SIPA1L2: variants seen among roughly 807,000 people sequenced by gnomAD.
SIPA1L2 encodes the protein signal-induced proliferation-associated 1-like protein 2.
A neutral mutation model predicts 163.9 loss-of-function variants in SIPA1L2; 56 were observed. The ratio of observed to expected loss-of-function variants is 0.34; its 90% confidence interval spans 0.28 to 0.43. The LOEUF (loss-of-function observed/expected upper bound fraction) is 0.43. Among genes scored for constraint, SIPA1L2 ranks in the 20% least tolerant of loss-of-function variants. The pLI, the probability that SIPA1L2 is intolerant of heterozygous loss-of-function variation, is 1.00. For missense variants in SIPA1L2, 1,974 were observed against 2,193.5 expected (o/e 0.90, Z 2.00); for synonymous variants, 877 against 865.7 (o/e 1.01, Z -0.23).
chr1:232,485,731 C>T (rs921040156), intron 5 of SIPA1L2, among the ~76,000 whole-genome samples: 41 of 152,304 alleles, frequency 2.7e-4, no homozygotes, highest in African/African-American at 9.6e-4. Context: ...AAAATGACCA[C>T]TTCCCATCAT....
At chr1:232,421,120 T>C (rs12026527) in intron 18 of SIPA1L2, among the ~76,000 whole-genome samples, 8,715 of 152,274 alleles carry the variant, frequency 0.057, 715 homozygotes, top group East Asian at 0.42. Flanking sequence ...GGGAGGACAC[T>C]GTCTGAAAGC....
rs1667168175 is a variant in SIPA1L2, at chr1:232,515,194, G to A, written c.146C>T (p.Thr49Ile). 10 of 1,614,076 alleles carry A rather than the reference G, an allele frequency of 6.2e-6. No individual in the cohort carries two copies. The African/African-American group carries it at 1.1e-4, about 17-fold the overall frequency. ...KAINGNMGPT[T>I]SLNASNSNET... is the part of the protein sequence containing the mutation. Reference sequence around the variant, plus strand: ...ATTGGAATTCGAGGCATTTAAAGAAGTAGTGGGTCCCATGTTGCCATTAAT... The same window carrying A: ...ATTGGAATTCGAGGCATTTAAAGAAATAGTGGGTCCCATGTTGCCATTAAT... Residue 49 changes from threonine (T) to isoleucine (I), a missense_variant, in exon 3 of 23, where the codon ACT becomes ATT. By Grantham distance (89) the Thr-to-Ile change is moderately conservative. Around this residue, in one of 3 missense-constraint regions of SIPA1L2, gnomAD observed 607 missense variants for 624.0 expected, o/e 0.97. Coordinates refer to ENST00000674635, the MANE Select transcript of SIPA1L2 (RefSeq NM_020808.5).
rs1353267477 is a variant in SIPA1L2, at chr1:232,484,532, C to T, written c.1807-566G>A. On this transcript the variant is annotated intron_variant, in intron 5 of 22. Coordinates refer to ENST00000674635, the MANE Select transcript of SIPA1L2 (RefSeq NM_020808.5). ...ATACAAACATTAAAATGTTTTGTTGCCATAAAAAAGTAACTCTGGCTTACG... is the reference window on the plus strand; with the variant it reads ...ATACAAACATTAAAATGTTTTGTTGTCATAAAAAAGTAACTCTGGCTTACG... Among the ~76,000 whole-genome samples, 19 of 152,212 alleles carry T rather than the reference C, an allele frequency of 1.2e-4. No individual in the cohort carries two copies. In the East Asian group the frequency reaches 3.7e-3, roughly 29 times the overall value.
At chr1:232,534,792 C>T (rs1422159618) in intron 2 of SIPA1L2, among the ~76,000 whole-genome samples, 1 of 152,190 alleles carries the variant, frequency 6.6e-6, no homozygotes, top group East Asian at 1.9e-4. Flanking sequence ...ACTCATCATT[C>T]CAGCATCTAC....
At chr1:232,624,299 C>A (rs1662964277) in intron 1 of SIPA1L2, among the ~76,000 whole-genome samples, 3 of 152,176 alleles carry the variant, frequency 2.0e-5, no homozygotes, top group East Asian at 3.9e-4. Context: ...AGAATCAAAA[C>A]TATAATTCCT....
At chr1:232,418,580 T>C (rs754217391) in intron 18 of SIPA1L2, among the ~76,000 whole-genome samples, 1 of 152,144 alleles carries the variant, frequency 6.6e-6, no homozygotes. Context: ...CCCTACGCAA[T>C]GCATGCAGAG....
At chr1:232,401,103 G>T (rs1235244485) in intron 22 of SIPA1L2, among the ~76,000 whole-genome samples, 1 of 151,942 alleles carries the variant, frequency 6.6e-6, no homozygotes, top group African/African-American at 2.4e-5. Flanking sequence ...ACGCCCCAGG[G>T]TCCTTGTCTC....
intron 1 of SIPA1L2, among the ~76,000 whole-genome samples, chr1:232,578,361 CA>C (rs757936637): frequency 4.0e-5 from 6 of 151,762 alleles, no homozygotes; most frequent in Admixed American, 1.3e-4. Context: ...TACTGAAAGG[CA>C]ACGTGCGGAA....
intron 2 of SIPA1L2, among the ~76,000 whole-genome samples, chr1:232,572,955 AT>A (rs1659881650): frequency 6.6e-6 from 1 of 150,900 alleles, no homozygotes; most frequent in African/African-American, 2.4e-5. Context: ...ATTTTTTTGT[AT>A]TTTTAGTAGA....
At chr1:232,548,814 T>C (rs2103128745) in intron 2 of SIPA1L2, among the ~76,000 whole-genome samples, 2 of 152,086 alleles carry the variant, frequency 1.3e-5, no homozygotes, top group Middle Eastern at 3.4e-3. Flanking sequence ...ATGGCATGGA[T>C]CCAGGCAGGG....
intron 1 of SIPA1L2, among the ~76,000 whole-genome samples, chr1:232,600,729 C>A (rs916620264): frequency 6.6e-6 from 1 of 152,106 alleles, no homozygotes; most frequent in African/African-American, 2.4e-5. Flanking sequence ...GACGCTCAGC[C>A]GGAGTGTGCT....
intron 19 of SIPA1L2, among the ~76,000 whole-genome samples, chr1:232,408,359 A>G (rs1660761894): frequency 6.6e-6 from 1 of 151,950 alleles, no homozygotes; most frequent in Non-Finnish European, 1.5e-5. Flanking sequence ...TAAATGCACA[A>G]TATTTTTCTA....
chr1:232,463,642 T>C (rs867116491), intron 9 of SIPA1L2, among the ~76,000 whole-genome samples: 23 of 152,218 alleles, frequency 1.5e-4, no homozygotes, highest in African/African-American at 5.5e-4. Context: ...TTGTGTTGTA[T>C]TTTCAGAAGC....
chr1:232,469,413 C>T (rs1034476278), intron 8 of SIPA1L2, among the ~76,000 whole-genome samples: 2 of 152,104 alleles, frequency 1.3e-5, no homozygotes, highest in African/African-American at 4.8e-5. Flanking sequence ...GGCATGCCAA[C>T]CTTATTTCAT....
chr1:232,578,010 G>A (rs1660169846), intron 1 of SIPA1L2, among the ~76,000 whole-genome samples: 2 of 152,046 alleles, frequency 1.3e-5, no homozygotes, highest in Admixed American at 1.3e-4. Context: ...CTTCATTGTT[G>A]TCTTATTTTA....
At chr1:232,425,356 T>A (rs569275115) in intron 18 of SIPA1L2, among the ~76,000 whole-genome samples, 1 of 152,168 alleles carries the variant, frequency 6.6e-6, no homozygotes, top group Non-Finnish European at 1.5e-5. Flanking sequence ...GACAGAAATA[T>A]CTAACATGAG....
rs374772228 is a variant in SIPA1L2 at position 232,514,917 on chromosome 1, G to T, written c.423C>A (p.Ile141=). Residue 141 remains isoleucine, a synonymous_variant, in exon 3 of 23, where the codon ATC becomes ATA. Coordinates refer to ENST00000674635, the MANE Select transcript of SIPA1L2 (RefSeq NM_020808.5). ...DLDFVEAKYT[I]GDIFVHSPQR... ...GGGGGGAATGGACAAAGATGTCTCCGATTGTGTACTTGGCCTCCACGAAGT... is the reference window on the plus strand; with the variant it reads ...GGGGGGAATGGACAAAGATGTCTCCTATTGTGTACTTGGCCTCCACGAAGT... The T allele has an allele frequency of 4.3e-6, 7 of 1,614,124 alleles. No individual in the cohort carries two copies. The highest frequency in any genetic ancestry group is 2.2e-5 in the South Asian group (2 of 91,068).
chr1:232,417,257 A>AG (rs1200761756), intron 18 of SIPA1L2, among the ~76,000 whole-genome samples: 2 of 152,188 alleles, frequency 1.3e-5, no homozygotes, highest in Non-Finnish European at 2.9e-5. Flanking sequence ...AGCTCTTACC[A>AG]GATCTCTAAC....
In SIPA1L2 at chr1:232,399,051, C is replaced by A. The variant is rs1232859261; in HGVS notation, c.*76G>T. The A allele has an allele frequency of 6.3e-7, 1 of 1,594,754 alleles. No individual in the cohort carries two copies. Among genetic ancestry groups the A allele is most frequent in the Non-Finnish European group, 8.6e-7 (1 of 1,167,996 alleles). ...ACATCTACGATTGGTTGAAAGCACA[C>A]AGAAAAACCACATGTTTGTGACTTC... On this transcript the variant is annotated 3_prime_UTR_variant, in exon 23 of 23. Coordinates refer to ENST00000674635, the MANE Select transcript of SIPA1L2 (RefSeq NM_020808.5).
Sources: gnomAD v4.1 joint callset for allele counts (sites outside exome capture counted in the v4.1 genomes callset) on GRCh38, gnomAD v4.1.1 for gene constraint, gnomAD v4.1.1 regional missense constraint, MANE v1.5 for transcripts, NCBI Gene and HGNC (gene_info 2026-07-23, HGNC 2026-07-21) for gene names.